SH3BP5L: variants seen among roughly 807,000 people sequenced by gnomAD.
SH3BP5L encodes the protein SH3 binding domain protein 5 like.
In SH3BP5L, 16 loss-of-function variants were observed where a neutral mutation model predicts 40.9. That is an observed-to-expected ratio of 0.39 (90% CI 0.27 to 0.59). The LOEUF (loss-of-function observed/expected upper bound fraction) is 0.59, where lower values mean the gene tolerates loss of function less well. Among genes scored for constraint, SH3BP5L ranks in the 20% least tolerant of loss-of-function variants. The pLI is 0.53. For synonymous variants in SH3BP5L, 229 were observed against 226.7 expected (o/e 1.01, Z -0.09); for missense variants, 471 against 544.6 (o/e 0.86, Z 1.35).
rs757597989 is a variant in SH3BP5L at position 248,814,429 on chromosome 1, G to A, written c.537+20C>T. 2.0e-5 allele frequency: 32 copies of A among 1,613,126 alleles called. No homozygotes were observed. The Admixed American group carries it at 5.2e-4, about 26-fold the overall frequency. On this transcript the variant is annotated intron_variant, in intron 5 of 6. Coordinates refer to ENST00000366472, the MANE Select transcript of SH3BP5L (RefSeq NM_030645.3). ...GGACGAGAACCAGCGAAGGGGACCT[G>A]CTGGCACCGCCCGGCTCACCTTGCA...
intron 2 of SH3BP5L, among the ~76,000 whole-genome samples, chr1:248,824,418 T>C (rs1336042984): frequency 6.6e-6 from 1 of 152,160 alleles, no homozygotes; most frequent in Non-Finnish European, 1.5e-5. Context: ...CCCCTCTGCT[T>C]ATCTGGAAAG....
rs759968249 is a variant in SH3BP5L, at chr1:248,812,173, G to A, written c.909C>T (p.Asp303=). The A allele has an allele frequency of 1.6e-5, 26 of 1,596,106 alleles. No homozygotes were observed. The highest frequency in any genetic ancestry group is 4.5e-5 in the East Asian group (2 of 44,556). The change falls in exon 7 of 7, where the codon GAC becomes GAT. Residue 303 remains aspartate, a synonymous_variant. Transcript: ENST00000366472. The surrounding 1 kb of genome is among the most constrained non-coding windows in gnomAD (Gnocchi z 6.1). ...GAEAGPEDME[D]GDSGIEGAEG... ...CGGCCCCCTCAATCCCGCTGTCTCC[G>A]TCCTCCATGTCCTCGGGTCCTGCCT...
At chr1:248,822,211 G>C (rs1664269379) in intron 2 of SH3BP5L, among the ~76,000 whole-genome samples, 1 of 152,182 alleles carries the variant, frequency 6.6e-6, no homozygotes, top group Non-Finnish European at 1.5e-5. Context: ...CTAGTGAACT[G>C]TCAACACTCA....
intron 4 of SH3BP5L, 121 bp downstream of exon 4, chr1:248,816,413 G>A: frequency 7.5e-7 from 1 of 1,340,048 alleles, no homozygotes; most frequent in Non-Finnish European, 1.0e-6. Flanking sequence ...GACCAGCCAG[G>A]TCTAGCCCAG....
chr1:248,821,674 C>G lies in SH3BP5L; in HGVS notation c.183+3079G>C, dbSNP rs1434848205. Among the ~76,000 whole-genome samples the G allele has an allele frequency of 6.6e-6, 1 of 152,032 alleles. No individual in the cohort carries two copies. The highest frequency in any genetic ancestry group is 2.4e-5 in the African/African-American group (1 of 41,384). On this transcript the variant is annotated intron_variant, in intron 2 of 6. Transcript: ENST00000366472. The surrounding 1 kb of genome is among the most constrained non-coding windows in gnomAD (Gnocchi z 4.6). ...TCCATCCTAGATCCACGCTCCTTTC[C>G]TCTTCCCTCCACTGGAACCCTCTCG...
intron 2 of SH3BP5L, among the ~76,000 whole-genome samples, chr1:248,819,730 C>CA (rs1162313925): frequency 1.4e-4 from 18 of 132,638 alleles, no homozygotes; most frequent in South Asian, 4.7e-4. Context: ...AAAAAAATCA[C>CA]AAAAAAAAAT....
intron 2 of SH3BP5L, among the ~76,000 whole-genome samples, chr1:248,820,132 G>C (rs1664218333): frequency 6.6e-6 from 1 of 152,128 alleles, no homozygotes; most frequent in South Asian, 2.1e-4. Flanking sequence ...CCTGTGTTGG[G>C]TGGCGAAGGT....
chr1:248,812,436 A>T lies in SH3BP5L; in HGVS notation c.712-66T>A, dbSNP rs1415300054. ...GTCTCCACCTTCCTCAGCACTCTGC[A>T]CTGAGGTCTGAGGGCCTGCTCTCCC... On this transcript the variant is annotated intron_variant, in intron 6 of 6. Transcript: ENST00000366472. This position sits in a 1 kb window ranked among gnomAD's most constrained non-coding sequence, Gnocchi z 6.1. The T allele has an allele frequency of 7.8e-7, 1 of 1,285,822 alleles. No homozygotes were observed. 79.7% of individuals were successfully genotyped at this position (1,285,822 alleles called of 1,614,324 possible).
chr1:248,816,446 G>A (rs756251006), intron 4 of SH3BP5L, 88 bp downstream of exon 4: 16 of 1,555,004 alleles, frequency 1.0e-5, no homozygotes, highest in Non-Finnish European at 1.4e-5. Context: ...AGGGTCTGGT[G>A]TTTTGTCTCT....
intron 2 of SH3BP5L, among the ~76,000 whole-genome samples, chr1:248,823,407 G>A (rs1664300801): frequency 6.6e-6 from 1 of 152,190 alleles, no homozygotes; most frequent in Non-Finnish European, 1.5e-5. Context: ...GCTCAGAAAC[G>A]TAAAGAAACT....
Position 248,816,875 on chromosome 1 carries a change from C to T in SH3BP5L, c.193G>A (p.Glu65Lys). The change falls in exon 3 of 7, where the codon GAG (glutamate) becomes AAG (lysine). Residue 65 changes from glutamate to lysine, a missense_variant. By Grantham distance (56) the Glu-to-Lys change is moderately conservative. This residue lies in a region of SH3BP5L where 275 missense variants were observed against 370.1 expected (regional missense o/e 0.74). Coordinates refer to ENST00000366472, the MANE Select transcript of SH3BP5L (RefSeq NM_030645.3). ...ELDPRIQEELEHLNQASEEIN... is the reference protein window; with the variant it reads ...ELDPRIQEELKHLNQASEEIN... ...TCCTCGCTGGCCTGGTTCAGGTGCT[C>T]CAACTCCTCCTGCCACAGAGAGGGG... The T allele has an allele frequency of 6.2e-7, 1 of 1,614,154 alleles. No homozygotes were observed. The highest frequency in any genetic ancestry group is 8.5e-7 in the Non-Finnish European group (1 of 1,180,026).
chr1:248,825,006 G>C lies in SH3BP5L; in HGVS notation c.-71C>G. 6 of 1,515,124 alleles carry C rather than the reference G, an allele frequency of 4.0e-6. No individual in the cohort carries two copies. Among genetic ancestry groups the C allele is most frequent in the Non-Finnish European group, 5.3e-6 (6 of 1,137,734 alleles). The allele number at this position is 1,515,124 out of a possible 1,614,324, so 93.9% of individuals were successfully genotyped here. On this transcript the variant is annotated 5_prime_UTR_variant, in exon 2 of 7. Coordinates refer to ENST00000366472, the MANE Select transcript of SH3BP5L (RefSeq NM_030645.3). ...ATGCTGGGACCAGGGCCCCAGCTTG[G>C]GGCTTCCTGGGCTCTAGATGGCCAG...
intron 2 of SH3BP5L, chr1:248,817,185 T>C (rs1282173045): frequency 2.2e-5 from 14 of 622,532 alleles, no homozygotes; most frequent in South Asian, 4.9e-5. Flanking sequence ...CAACGTGAAG[T>C]TGTGGTGAGC....
At position 248,814,432 on chromosome 1, in the gene SH3BP5L, GGC is replaced by G. The variant is rs769877259; in HGVS notation, c.537+15_537+16del. 7.4e-6 allele frequency: 12 copies of G among 1,613,248 alleles called. No individual in the cohort carries two copies. The highest frequency in any genetic ancestry group is 1.0e-5 in the Non-Finnish European group (12 of 1,179,856). On this transcript the variant is annotated intron_variant, in intron 5 of 6. Transcript: ENST00000366472. ...CGAGAACCAGCGAAGGGGACCTGCT[GGC>G]ACCGCCCGGCTCACCTTGCAGGTAG...
chr1:248,816,067 T>G (rs1026979099), intron 4 of SH3BP5L: 2 of 158,222 alleles, frequency 1.3e-5, no homozygotes, highest in African/African-American at 4.8e-5. Context: ...TTTTATTATG[T>G]TTTTCCAATG....
intron 4 of SH3BP5L, 71 bp downstream of exon 4, chr1:248,816,463 A>G: frequency 6.2e-7 from 1 of 1,600,070 alleles, no homozygotes; most frequent in East Asian, 2.2e-5. Flanking sequence ...CTCTCACTCC[A>G]TATAGAGACA....
At chr1:248,816,157 A>C (rs1664099455) in intron 4 of SH3BP5L, 1 of 186,578 alleles carries the variant, frequency 5.4e-6, no homozygotes, top group African/African-American at 2.3e-5. Context: ...AGGAGTAAGC[A>C]AAGAAAAGAT....
rs148748546 is a variant in SH3BP5L at position 248,817,152 on chromosome 1, G to A, written c.184-268C>T. ...TTCAAGGATGAAGAAATTGAGGTTT[G>A]GAGAATGCAACACTAATATGCACAA... On this transcript the variant is annotated intron_variant, in intron 2 of 6. Transcript: ENST00000366472. The A allele has an allele frequency of 6.6e-4, 669 of 1,008,746 alleles. 2 individuals are homozygous for A. In the African/African-American group the frequency reaches 9.7e-3, roughly 15 times the overall value. 62.5% of individuals were successfully genotyped at this position (1,008,746 alleles called of 1,614,324 possible). A position where few individuals can be genotyped will look rare whatever the true frequency, so the allele number is the denominator to read the frequency against.
rs1572178746 is a variant in SH3BP5L, at chr1:248,812,450, G to A, written c.712-80C>T. The A allele has an allele frequency of 9.0e-7, 1 of 1,107,304 alleles. No homozygotes were observed. The highest frequency in any genetic ancestry group is 1.3e-6 in the Non-Finnish European group (1 of 758,106). 68.6% of individuals were successfully genotyped at this position (1,107,304 alleles called of 1,614,324 possible). A position where few individuals can be genotyped will look rare whatever the true frequency, so the allele number is the denominator to read the frequency against. ...CAGCACTCTGCACTGAGGTCTGAGGGCCTGCTCTCCCAGAATACCTGGACA... is the reference window on the plus strand; with the variant it reads ...CAGCACTCTGCACTGAGGTCTGAGGACCTGCTCTCCCAGAATACCTGGACA... On this transcript the variant is annotated intron_variant, in intron 6 of 6. Coordinates refer to ENST00000366472, the MANE Select transcript of SH3BP5L (RefSeq NM_030645.3). The surrounding 1 kb of genome is among the most constrained non-coding windows in gnomAD (Gnocchi z 6.1).
Sources: gnomAD v4.1 joint callset for allele counts (sites outside exome capture counted in the v4.1 genomes callset) on GRCh38, gnomAD v4.1.1 for gene constraint, gnomAD v4.1.1 regional missense constraint, Gnocchi (gnomAD v3.1) non-coding constraint, MANE v1.5 for transcripts, NCBI Gene and HGNC (gene_info 2026-07-23, HGNC 2026-07-21) for gene names.